TMEM40: variants seen among roughly 807,000 people sequenced by gnomAD.
TMEM40 encodes the protein transmembrane protein 40.
A neutral mutation model predicts 40.8 loss-of-function variants in TMEM40; 34 were observed. The ratio of observed to expected loss-of-function variants is 0.83; its 90% confidence interval spans 0.63 to 1.11. The LOEUF (loss-of-function observed/expected upper bound fraction) is 1.11. TMEM40 is among the 50% of genes least tolerant of loss of function. The pLI, the probability that TMEM40 is intolerant of heterozygous loss-of-function variation, is 0.00. For missense variants in TMEM40, 296 were observed against 280.2 expected (o/e 1.06, Z -0.40); for synonymous variants, 106 against 107.0 (o/e 0.99, Z 0.06).
intron 9 of TMEM40, 46 bp downstream of exon 9, chr3:12,736,718 C>A: frequency 1.2e-6 from 2 of 1,613,812 alleles, no homozygotes; most frequent in Non-Finnish European, 1.7e-6. Flanking sequence ...CCCTGCACCA[C>A]CCCATGCCAT....
At chr3:12,742,305 A>G (rs2061389798) in intron 5 of TMEM40, 149 bp downstream of exon 5, 1 of 796,518 alleles carries the variant, frequency 1.3e-6, no homozygotes, top group Non-Finnish European at 2.0e-6. Flanking sequence ...CCACCTGCCA[A>G]TGTTATAACC....
At chr3:12,746,616 T>G (rs1487545977) in intron 3 of TMEM40, among the ~76,000 whole-genome samples, 2 of 152,192 alleles carry the variant, frequency 1.3e-5, no homozygotes, top group Non-Finnish European at 2.9e-5. Context: ...AGCGGGTCAC[T>G]GTCCGCGCCT....
intron 1 of TMEM40, among the ~76,000 whole-genome samples, chr3:12,757,222 C>T (rs2061535876): frequency 6.6e-6 from 1 of 152,152 alleles, no homozygotes; most frequent in African/African-American, 2.4e-5. Flanking sequence ...GTAATCCCAG[C>T]ACTTTGGGAG....
At chr3:12,764,022 T>TATCC (rs1400904686), upstream of TMEM40, among the ~76,000 whole-genome samples, 3 of 152,164 alleles carry the variant, frequency 2.0e-5, no homozygotes, top group Non-Finnish European at 4.4e-5. Flanking sequence ...TTCAAGTGAT[T>TATCC]ATCCTGCCTC....
chr3:12,769,170 G>A (rs1575750848), intron 1 of TMEM40: 2 of 311,084 alleles, frequency 6.4e-6, no homozygotes, highest in African/African-American at 2.3e-5. Context: ...GGCCTACCAA[G>A]CCCAAGCCCA....
At chr3:12,742,663 T>A (rs2061393188) in intron 4 of TMEM40, 156 bp from the exon 5 acceptor site, 1 of 777,068 alleles carries the variant, frequency 1.3e-6, no homozygotes, top group Non-Finnish European at 2.1e-6. Flanking sequence ...CACAAGTACC[T>A]TCCCTTTGCC....
intron 1 of TMEM40, among the ~76,000 whole-genome samples, chr3:12,755,198 C>CCTTT (rs1209189122): frequency 1.8e-4 from 21 of 119,000 alleles, no homozygotes; most frequent in East Asian, 9.1e-4. Flanking sequence ...TTCCTTCCTT[C>CCTTT]CTTTCTTTCT....
At chr3:12,755,240 T>TC (rs1383266739) in intron 1 of TMEM40, among the ~76,000 whole-genome samples, 7 of 99,814 alleles carry the variant, frequency 7.0e-5, no homozygotes, top group African/African-American at 2.7e-4. Context: ...TCTCTCTTTC[T>TC]TTCTTTCTTT....
chr3:12,769,198 C>T, intron 1 of TMEM40: 2 of 344,708 alleles, frequency 5.8e-6, no homozygotes, highest in Non-Finnish European at 6.3e-6. Flanking sequence ...CTGTAGCCGG[C>T]CCTCAAGTGC....
rs1252734807 is a variant in TMEM40, at chr3:12,736,589, T to G, written c.608A>C (p.Tyr203Ser). The G allele has an allele frequency of 6.4e-7, 1 of 1,556,910 alleles. No individual in the cohort carries two copies. The highest frequency in any genetic ancestry group is 8.7e-7 in the Non-Finnish European group (1 of 1,149,930). The part of the protein sequence containing the change: ...TFASLETVGI[Y>S]FGLVYRIHSV... ...GGGGAGGGGCTTACCTAGTCCGAAG[T>G]AGATGCCAACGGTTTCCAGGGAGGC... Residue 203 changes from tyrosine to serine, a missense_variant, in exon 10 of 12, where the codon TAC becomes TCC. By Grantham distance (144) the Tyr-to-Ser change is moderately radical. Transcript: ENST00000314124.
chr3:12,749,067 C>T lies in TMEM40; in HGVS notation c.74-275G>A, dbSNP rs181197972. On this transcript the variant is annotated intron_variant, in intron 2 of 11. Coordinates refer to ENST00000314124, the MANE Select transcript of TMEM40 (RefSeq NM_018306.4). ...TGAGACGGAGTCTTGCTCTTTTGCC[C>T]AGGCTGGACTGCAGTGACGCTATCT... Among the ~76,000 whole-genome samples the T allele has an allele frequency of 1.1e-4, 16 of 151,998 alleles. 1 individual carries two copies. The East Asian group carries it at 2.9e-3, about 28-fold the overall frequency.
At chr3:12,769,330 G>A (rs903044352) in exon 1 of TMEM40, 1 of 313,210 alleles carries the variant, frequency 3.2e-6, no homozygotes, top group South Asian at 2.1e-5. Context: ...CGGGCTGAAG[G>A]GCTCCTCAAG....
chr3:12,748,306 C>T (rs944330914), intron 3 of TMEM40, among the ~76,000 whole-genome samples: 8 of 152,208 alleles, frequency 5.3e-5, no homozygotes, highest in African/African-American at 1.9e-4. Context: ...CACGCTTTGA[C>T]TATGGCACTG....
At chr3:12,753,187 C>T (rs917929206) in intron 1 of TMEM40, among the ~76,000 whole-genome samples, 1 of 148,322 alleles carries the variant, frequency 6.7e-6, no homozygotes, top group African/African-American at 2.5e-5. Flanking sequence ...TTCTTTTTTG[C>T]CTTTTTTCTT....
rs1056166540 is a variant in TMEM40, at chr3:12,734,216, A to T, written c.*558T>A. Reference sequence around the variant, plus strand: ...TTGTGAGCCCCCATGCCTGGCTGCCATTTAGTTTCTGATGATCATTTTCCT... The same window carrying T: ...TTGTGAGCCCCCATGCCTGGCTGCCTTTTAGTTTCTGATGATCATTTTCCT... On this transcript the variant is annotated 3_prime_UTR_variant, in exon 12 of 12. Transcript: ENST00000314124. 1.3e-5 allele frequency: 2 copies of T among 152,154 alleles called. No homozygotes were observed. Among genetic ancestry groups the T allele is most frequent in the African/African-American group, 4.8e-5 (2 of 41,390 alleles). 9.4% of individuals were successfully genotyped at this position (152,154 alleles called of 1,614,324 possible). A position where few individuals can be genotyped will look rare whatever the true frequency, so the allele number is the denominator to read the frequency against.
rs571290515 is a variant in TMEM40 at position 12,734,244 on chromosome 3, CT to C, written c.*529del. On this transcript the variant is annotated 3_prime_UTR_variant, in exon 12 of 12. Coordinates refer to ENST00000314124, the MANE Select transcript of TMEM40 (RefSeq NM_018306.4). ...TAGTTTCTGATGATCATTTTCCTGC[CT>C]TTTTTTTTGGGTGCAAAAAAAATGG... 53 of 150,972 alleles carry C rather than the reference CT, an allele frequency of 3.5e-4. No homozygotes were observed. The East Asian group carries it at 7.4e-3, about 21-fold the overall frequency. 9.4% of individuals were successfully genotyped at this position (150,972 alleles called of 1,614,324 possible).
At chr3:12,736,306 G>T (rs1026203365) in intron 10 of TMEM40, among the ~76,000 whole-genome samples, 3 of 152,016 alleles carry the variant, frequency 2.0e-5, no homozygotes, top group South Asian at 2.1e-4. Flanking sequence ...GCGCCACCAG[G>T]CCTGGCTAAT....
At chr3:12,745,771 G>T (rs2061422573) in intron 3 of TMEM40, among the ~76,000 whole-genome samples, 1 of 151,178 alleles carries the variant, frequency 6.6e-6, no homozygotes, top group African/African-American at 2.4e-5. Flanking sequence ...TTAAATAAAA[G>T]GTATTATGGA....
chr3:12,749,910 AAATAAAT>A, intron 1 of TMEM40, 70 bp from the exon 2 acceptor site: 1 of 1,383,690 alleles, frequency 7.2e-7, no homozygotes, highest in South Asian at 1.3e-5. Flanking sequence ...AGAGCTTGGC[AAATAAAT>A]AAGAAAAAGA....
Sources: gnomAD v4.1 joint callset for allele counts (sites outside exome capture counted in the v4.1 genomes callset) on GRCh38, gnomAD v4.1.1 for gene constraint, MANE v1.5 for transcripts, NCBI Gene and HGNC (gene_info 2026-07-23, HGNC 2026-07-21) for gene names.